Variants in TASP1 observed in about 807,000 individuals in gnomAD.
TASP1 encodes taspase 1.
Under a neutral mutation model 56.6 loss-of-function variants are expected in TASP1, and 16 were observed. The observed-to-expected ratio is 0.28, with a 90% CI of 0.19 to 0.43. The LOEUF is 0.43. Among genes scored for constraint, TASP1 ranks in the 20% least tolerant of loss-of-function variants. The pLI is 1.00. For synonymous variants in TASP1, 179 were observed against 184.2 expected, an observed-to-expected ratio of 0.97 and a Z score of 0.23; for missense variants, 393 against 511.6, an observed-to-expected ratio of 0.77 and a Z score of 2.24.
the TASP1 span, among the ~76,000 whole-genome samples, chr20:13,163,194 C>G: frequency 6.6e-6 from 1 of 151,632 alleles, no homozygotes; most frequent in Non-Finnish European, 1.5e-5. Flanking sequence ...ATGGTGAAAC[C>G]CCATCTCTAC....
chr20:13,294,439 C>A, the TASP1 span, among the ~76,000 whole-genome samples: 1 of 152,196 alleles, frequency 6.6e-6, no homozygotes, highest in Non-Finnish European at 1.5e-5. Flanking sequence ...TAAAGGCATT[C>A]TTCTGAGACA....
chr20:13,617,550 A>G (rs1050615155), intron 4 of TASP1, among the ~76,000 whole-genome samples: 2 of 152,202 alleles, frequency 1.3e-5, no homozygotes, highest in African/African-American at 4.8e-5. Flanking sequence ...CAGTGTGGTC[A>G]GCTCTACTGG....
At position 13,510,212 on chromosome 20, in the gene TASP1, C is replaced by T. The variant is rs895183623; in HGVS notation, c.874+18221G>A. On this transcript the variant is annotated intron_variant, in intron 10 of 13. Transcript: ENST00000337743. ...GAATTTTACTATGCTAATGAAACAG[C>T]ATTATACTATGTCATATTAGGACAG... Among the ~76,000 whole-genome samples the T allele has an allele frequency of 2.6e-5, 4 of 152,076 alleles. No individual in the cohort carries two copies. The East Asian group carries it at 5.8e-4, about 22-fold the overall frequency.
chr20:13,216,720 A>G, the TASP1 span, among the ~76,000 whole-genome samples: 2 of 152,196 alleles, frequency 1.3e-5, no homozygotes, highest in African/African-American at 2.4e-5. Flanking sequence ...TCTCAATTAC[A>G]CAATAGCCCA....
chr20:13,595,091 A>G (rs1403816277), intron 4 of TASP1, among the ~76,000 whole-genome samples: 1 of 152,192 alleles, frequency 6.6e-6, no homozygotes, highest in Non-Finnish European at 1.5e-5. Context: ...TAAAGAAAAG[A>G]ATTTTCAACT....
At chr20:13,553,142 C>T (rs1038319882) in intron 8 of TASP1, among the ~76,000 whole-genome samples, 4 of 152,110 alleles carry the variant, frequency 2.6e-5, no homozygotes, top group Non-Finnish European at 5.9e-5. Flanking sequence ...CAGGGTCTTG[C>T]TATGTTATCC....
At chr20:13,299,555 G>A in the TASP1 span, 3 of 1,141,182 alleles carry the variant, frequency 2.6e-6, no homozygotes, top group Admixed American at 2.2e-5. This position sits in a 1 kb window ranked among gnomAD's most constrained non-coding sequence, Gnocchi z 5.8. Context: ...TCATAGCTGC[G>A]GTCGTGTATA....
chr20:13,360,049 T>G, the TASP1 span, among the ~76,000 whole-genome samples: 2 of 152,182 alleles, frequency 1.3e-5, no homozygotes, highest in East Asian at 1.9e-4. Context: ...ATTTTACCTG[T>G]GCTAAAACCA....
the TASP1 span, among the ~76,000 whole-genome samples, chr20:13,380,135 T>A: frequency 2.0e-5 from 3 of 152,208 alleles, no homozygotes; most frequent in South Asian, 6.2e-4. Context: ...GTTGTGATCC[T>A]TGGGAGGAGA....
chr20:13,265,935 C>T, the TASP1 span, among the ~76,000 whole-genome samples: 3 of 152,304 alleles, frequency 2.0e-5, no homozygotes, highest in Non-Finnish European at 2.9e-5. Flanking sequence ...GTCAGCCACG[C>T]TTAGACTACA....
intron 4 of TASP1, among the ~76,000 whole-genome samples, chr20:13,598,812 T>C (rs1335154773): frequency 6.6e-6 from 1 of 152,054 alleles, no homozygotes; most frequent in Non-Finnish European, 1.5e-5. Flanking sequence ...ATCCAGAATC[T>C]GCAAAGAACT....
chr20:13,241,189 C>T, the TASP1 span, among the ~76,000 whole-genome samples: 1 of 152,086 alleles, frequency 6.6e-6, no homozygotes, highest in Non-Finnish European at 1.5e-5. Context: ...AACTGCTCTG[C>T]AGTTGCAGAG....
the TASP1 span, chr20:13,117,418 A>C: frequency 4.1e-6 from 5 of 1,225,066 alleles, no homozygotes; most frequent in Non-Finnish European, 5.6e-6. Context: ...GTGTCAGGGA[A>C]GACTGTCTAG....
intron 10 of TASP1, among the ~76,000 whole-genome samples, chr20:13,501,837 T>C (rs1024826068): frequency 1.3e-5 from 2 of 151,914 alleles, no homozygotes; most frequent in South Asian, 2.1e-4. Context: ...AAAAAACATA[T>C]AGCAGACAAG....
chr20:13,628,088 G>C (rs113100510), intron 2 of TASP1, among the ~76,000 whole-genome samples: 10 of 152,308 alleles, frequency 6.6e-5, no homozygotes, highest in African/African-American at 2.4e-4. Flanking sequence ...TTTGGAGTCA[G>C]TGTTTCCCAG....
chr20:13,379,261 G>A, the TASP1 span, among the ~76,000 whole-genome samples: 1 of 152,150 alleles, frequency 6.6e-6, no homozygotes, highest in Non-Finnish European at 1.5e-5. Context: ...CTCTTGTAAG[G>A]CAGGCCTGGT....
At chr20:13,221,829 C>A in the TASP1 span, 1 of 1,457,698 alleles carries the variant, frequency 6.9e-7, no homozygotes. Context: ...CTGCTGCTCA[C>A]GCTGCACATC....
At chr20:13,391,954 C>G (rs1168909228) in intron 13 of TASP1, among the ~76,000 whole-genome samples, 1 of 137,174 alleles carries the variant, frequency 7.3e-6, no homozygotes, top group Non-Finnish European at 1.5e-5. Flanking sequence ...GGCGACAGAG[C>G]GAGACTCCGT....
At chr20:13,221,860 A>G in the TASP1 span, 1 of 1,431,384 alleles carries the variant, frequency 7.0e-7, no homozygotes, top group Non-Finnish European at 9.1e-7. Flanking sequence ...GCGGCTCGGG[A>G]GCCGCCGACG....
Sources: gnomAD v4.1 joint callset for allele counts (sites outside exome capture counted in the v4.1 genomes callset) on GRCh38, gnomAD v4.1.1 for gene constraint, Gnocchi (gnomAD v3.1) non-coding constraint, MANE v1.5 for transcripts, NCBI Gene and HGNC (gene_info 2026-07-23, HGNC 2026-07-21) for gene names.